LGR5: variants seen among roughly 807,000 people sequenced by gnomAD.
LGR5 encodes leucine rich repeat containing G protein-coupled receptor 5.
Under a neutral mutation model 76.7 loss-of-function variants are expected in LGR5, and 54 were observed. The observed-to-expected ratio is 0.70, with a 90% CI of 0.57 to 0.88. LGR5 has a LOEUF of 0.88. LGR5 is among the 40% of genes least tolerant of loss of function. The pLI is 0.00. For missense variants in LGR5, 1,078 were observed against 1,073.3 expected, an observed-to-expected ratio of 1.00 and a Z score of -0.06; for synonymous variants, 406 against 421.9, an observed-to-expected ratio of 0.96 and a Z score of 0.46.
intron 2 of LGR5, among the ~76,000 whole-genome samples, chr12:71,510,122 T>C (rs1331551889): frequency 4.6e-5 from 7 of 152,198 alleles, no homozygotes; most frequent in South Asian, 2.1e-4. Context: ...AATCCACATA[T>C]TGAGTTGTGT....
At chr12:71,474,812 G>C (rs1028193440) in intron 1 of LGR5, among the ~76,000 whole-genome samples, 2 of 152,200 alleles carry the variant, frequency 1.3e-5, no homozygotes, top group Non-Finnish European at 2.9e-5. Context: ...CTGATAAAAA[G>C]TGAATTATGT....
intron 2 of LGR5, among the ~76,000 whole-genome samples, chr12:71,512,863 G>C (rs1875232584): frequency 1.3e-5 from 2 of 152,192 alleles, no homozygotes. Context: ...TAAGTGTGAA[G>C]CATGATGGGT....
chr12:71,523,254 A>C (rs1875812413), intron 2 of LGR5, among the ~76,000 whole-genome samples: 1 of 152,198 alleles, frequency 6.6e-6, no homozygotes, highest in Non-Finnish European at 1.5e-5. Flanking sequence ...CTTTAAAGAT[A>C]GTATCAAAGG....
chr12:71,577,978 T>C lies in LGR5; in HGVS notation c.1262T>C (p.Leu421Ser), dbSNP rs753804853. The C allele has an allele frequency of 1.3e-5, 21 of 1,612,788 alleles. No homozygotes were observed. In the East Asian group the frequency reaches 2.7e-4, roughly 21 times the overall value. ...AIIHPNAFSTLPSLIKLDLSS... is the reference protein window; with the variant it reads ...AIIHPNAFSTSPSLIKLDLSS... The stretch of plus-strand genomic sequence containing the variant: ...ATTCACCCCAATGCATTTTCCACTT[T>C]GCCATCCCTAATAAAGCTGTGAGTA... Residue 421 changes from leucine (L) to serine (S), a missense_variant, in exon 14 of 18, where the codon TTG becomes TCG. Coordinates refer to ENST00000266674, the MANE Select transcript of LGR5 (RefSeq NM_003667.4).
chr12:71,486,008 T>A (rs1332442438), intron 1 of LGR5, among the ~76,000 whole-genome samples: 1 of 152,098 alleles, frequency 6.6e-6, no homozygotes, highest in African/African-American at 2.4e-5. Flanking sequence ...TTGTGATCCG[T>A]CCACTTTGGC....
intron 2 of LGR5, among the ~76,000 whole-genome samples, chr12:71,513,924 C>G (rs1357466258): frequency 1.3e-5 from 2 of 152,098 alleles, no homozygotes; most frequent in African/African-American, 2.4e-5. Flanking sequence ...CAGTTGAGCT[C>G]CATACTCTGT....
At chr12:71,494,159 G>C in intron 1 of LGR5, among the ~76,000 whole-genome samples, 1 of 150,682 alleles carries the variant, frequency 6.6e-6, no homozygotes, top group East Asian at 1.9e-4. Flanking sequence ...TGTTAGCCAG[G>C]ATGGTCTTGA....
chr12:71,506,067 A>G (rs985250177), intron 2 of LGR5, among the ~76,000 whole-genome samples: 5 of 152,172 alleles, frequency 3.3e-5, no homozygotes, highest in South Asian at 2.1e-4. Flanking sequence ...ACACATGTCA[A>G]CTCCCTAAGA....
chr12:71,552,927 G>A (rs533906799), intron 4 of LGR5, 146 bp from the exon 5 acceptor site: 25 of 641,002 alleles, frequency 3.9e-5, no homozygotes, highest in Non-Finnish European at 6.1e-5. Flanking sequence ...CATCTGGAGA[G>A]GAAAATGCTC....
chr12:71,497,572 C>T lies in LGR5; in HGVS notation c.213-7042C>T, dbSNP rs147908450. On this transcript the variant is annotated intron_variant, in intron 1 of 17. Coordinates refer to ENST00000266674, the MANE Select transcript of LGR5 (RefSeq NM_003667.4). ...ATTCATACTATAATAAAATGCTACT[C>T]AAGCCTGCACCTTGCCTTTTGAGAT... 1.5e-3 allele frequency among the ~76,000 whole-genome samples: 231 copies of T among 152,228 alleles called. 2 individuals are homozygous for T. Among genetic ancestry groups the T allele is most frequent in the African/African-American group, 5.4e-3 (225 of 41,542 alleles).
intron 2 of LGR5, among the ~76,000 whole-genome samples, chr12:71,508,990 T>TA: frequency 6.6e-6 from 1 of 152,260 alleles, no homozygotes; most frequent in African/African-American, 2.4e-5. Context: ...GGTGACCAGA[T>TA]ATGCAGAGGC....
Position 71,560,590 on chromosome 12 carries a change from G to A in LGR5, c.785+936G>A, listed in dbSNP as rs745980534. Among the ~76,000 whole-genome samples, 295 of 152,148 alleles carry A rather than the reference G, an allele frequency of 1.9e-3. 1 individual carries two copies. Among genetic ancestry groups the A allele is most frequent in the Non-Finnish European group, 2.4e-3 (164 of 68,038 alleles). On this transcript the variant is annotated intron_variant, in intron 7 of 17. Coordinates refer to ENST00000266674, the MANE Select transcript of LGR5 (RefSeq NM_003667.4). ...GCAGATTACTCGAGGCCAGGAGTTC[G>A]AGACCAGCCTGGCCAACATGGTGAA...
chr12:71,473,428 A>G (rs1054692232), intron 1 of LGR5, among the ~76,000 whole-genome samples: 1 of 152,200 alleles, frequency 6.6e-6, no homozygotes, highest in African/African-American at 2.4e-5. Context: ...AAACTGAAAA[A>G]TGAATGGCAT....
intron 4 of LGR5, among the ~76,000 whole-genome samples, chr12:71,546,914 T>C (rs771395863): frequency 5.9e-5 from 9 of 152,180 alleles, no homozygotes; most frequent in Non-Finnish European, 1.0e-4. Context: ...TTGAGGCCCC[T>C]CAGGGTGAAC....
At chr12:71,578,721 G>C (rs114317617) in intron 14 of LGR5, 83 bp from the exon 15 acceptor site, 1 of 1,360,704 alleles carries the variant, frequency 7.3e-7, no homozygotes, top group South Asian at 1.7e-5. Context: ...GTAGTTTAAC[G>C]ATCTTTAGGT....
intron 1 of LGR5, among the ~76,000 whole-genome samples, chr12:71,473,623 T>TTAAA (rs142775308): frequency 1.1e-4 from 16 of 151,210 alleles, no homozygotes; most frequent in Non-Finnish European, 1.0e-4. Flanking sequence ...AATATTTTTA[T>TTAAA]TAAATAAATA....
intron 1 of LGR5, among the ~76,000 whole-genome samples, chr12:71,489,155 A>G (rs1873957033): frequency 6.6e-6 from 1 of 152,146 alleles, no homozygotes; most frequent in South Asian, 2.1e-4. Context: ...GAAATATACC[A>G]CTTGAATCTT....
intron 1 of LGR5, among the ~76,000 whole-genome samples, chr12:71,470,383 A>G (rs568972957): frequency 1.3e-5 from 2 of 152,148 alleles, no homozygotes; most frequent in African/African-American, 4.8e-5. Context: ...TTTTCATTGT[A>G]TGTACTTTAA....
At chr12:71,572,235 A>G (rs1878643989) in intron 12 of LGR5, among the ~76,000 whole-genome samples, 1 of 152,040 alleles carries the variant, frequency 6.6e-6, no homozygotes, top group African/African-American at 2.4e-5. Context: ...GGCACCCATC[A>G]CCATGCCTGG....
Sources: allele counts gnomAD v4.1 joint callset (sites outside exome capture counted in the v4.1 genomes callset), GRCh38; gene constraint gnomAD v4.1.1; transcripts MANE v1.5; gene names NCBI Gene and HGNC (gene_info 2026-07-23, HGNC 2026-07-21).